Variants in ANO2 observed in about 807,000 individuals in gnomAD.
ANO2 encodes anoctamin-2.
In ANO2, 101 loss-of-function variants were observed where a neutral mutation model predicts 124.2. The ratio of observed to expected loss-of-function variants is 0.81; its 90% CI spans 0.69 to 0.96. ANO2 has a LOEUF of 0.96. Among genes scored for constraint, ANO2 ranks in the 40% least tolerant of loss-of-function variants. ANO2 has a pLI of 0.00. For missense variants in ANO2, 1,293 were observed against 1,274.5 expected, an observed-to-expected ratio of 1.01 and a Z score of -0.22; for synonymous variants, 486 against 482.5, an observed-to-expected ratio of 1.01 and a Z score of -0.09.
intron 1 of ANO2, among the ~76,000 whole-genome samples, chr12:5,939,652 G>T (rs1460684559): frequency 6.6e-6 from 1 of 152,218 alleles, no homozygotes. Context: ...GATGGTGAAG[G>T]ATACTATATG....
rs903918153 is a variant in ANO2 at position 5,862,011 on chromosome 12, G to A, written c.535-7870C>T. Among the ~76,000 whole-genome samples the A allele has an allele frequency of 3.3e-5, 5 of 152,200 alleles. No individual in the cohort carries two copies. Among genetic ancestry groups the A allele is most frequent in the Non-Finnish European group, 4.4e-5 (3 of 68,032 alleles). ...AACACCATAGTCTACCTGTGTCATC[G>A]TGAAGATCAAAGCCTTAACTTCCTT... On this transcript the variant is annotated intron_variant, in intron 3 of 24. Coordinates refer to ENST00000682330, the MANE Select transcript of ANO2 (RefSeq NM_001364791.2). This position sits in a 1 kb window ranked among gnomAD's most constrained non-coding sequence, Gnocchi z 4.0.
chr12:5,774,647 G>A (rs1389152583), intron 10 of ANO2, among the ~76,000 whole-genome samples: 5 of 152,162 alleles, frequency 3.3e-5, no homozygotes, highest in Non-Finnish European at 7.3e-5. Context: ...TGTTTCCGAA[G>A]GACACCTGAT....
intron 23 of ANO2, among the ~76,000 whole-genome samples, chr12:5,573,664 G>A (rs1942249414): frequency 6.6e-6 from 1 of 152,220 alleles, no homozygotes; most frequent in Non-Finnish European, 1.5e-5. Context: ...TGCCTGCAAT[G>A]TGATTTTAGT....
intron 10 of ANO2, among the ~76,000 whole-genome samples, chr12:5,773,804 C>T (rs1400595982): frequency 2.0e-5 from 3 of 152,172 alleles, no homozygotes; most frequent in African/African-American, 7.2e-5. Context: ...CTTCTAACCC[C>T]TCACACTCCC....
At chr12:5,910,949 T>C (rs1365229383) in intron 3 of ANO2, among the ~76,000 whole-genome samples, 1 of 152,072 alleles carries the variant, frequency 6.6e-6, no homozygotes, top group Non-Finnish European at 1.5e-5. Context: ...TGAGGGTGAG[T>C]TCTTCCTGGA....
chr12:5,832,599 T>C lies in ANO2; in HGVS notation c.638A>G (p.Tyr213Cys), dbSNP rs1954191248. 6.2e-7 allele frequency: 1 copy of C among 1,612,010 alleles called. No homozygotes were observed. The change falls in exon 5 of 25, where the codon TAC becomes TGC. Residue 213 changes from tyrosine (Y) to cysteine (C), a missense_variant. Tyr to Cys is a radical substitution (Grantham distance 194, BLOSUM62 -2). Transcript: ENST00000682330. ...AATGCTGCCTCCTGCTTTGATCTCG[T>C]ACATCTATGAAAGGAAGAGCCACAG... Reference protein sequence around the residue: ...LKIKVPTKKMYEIKAGGSIAK... With the variant: ...LKIKVPTKKMCEIKAGGSIAK...
At chr12:5,885,886 C>A (rs191370729) in intron 3 of ANO2, among the ~76,000 whole-genome samples, 2 of 152,290 alleles carry the variant, frequency 1.3e-5, no homozygotes, top group Admixed American at 6.5e-5. Context: ...CCACTCAAAG[C>A]CAACACAAAC....
intron 24 of ANO2, among the ~76,000 whole-genome samples, chr12:5,565,190 C>T (rs1214514016): frequency 1.3e-5 from 2 of 152,288 alleles, no homozygotes; most frequent in Non-Finnish European, 2.9e-5. Flanking sequence ...TCTTTCATGG[C>T]TGCAGAGATG....
At chr12:5,896,674 G>A (rs1186634298) in intron 3 of ANO2, among the ~76,000 whole-genome samples, 3 of 152,120 alleles carry the variant, frequency 2.0e-5, no homozygotes, top group African/African-American at 7.2e-5. Flanking sequence ...AAATAATTTT[G>A]ATAATTCTCT....
intron 14 of ANO2, among the ~76,000 whole-genome samples, chr12:5,654,013 A>G (rs1947044669): frequency 6.6e-6 from 1 of 152,232 alleles, no homozygotes; most frequent in South Asian, 2.1e-4. Flanking sequence ...TTTTAGGTAG[A>G]TAAGGTTAAC....
At chr12:5,668,020 G>C (rs146757396) in intron 14 of ANO2, among the ~76,000 whole-genome samples, 1 of 152,180 alleles carries the variant, frequency 6.6e-6, no homozygotes, top group Non-Finnish European at 1.5e-5. Context: ...ACATACATGT[G>C]CATGTATCTT....
intron 14 of ANO2, among the ~76,000 whole-genome samples, chr12:5,724,561 A>G (rs1306598618): frequency 2.0e-5 from 3 of 152,180 alleles, no homozygotes; most frequent in Admixed American, 2.0e-4. Context: ...CCCAACAATT[A>G]TGCATAATTT....
At chr12:5,592,771 A>G (rs1185921224) in intron 20 of ANO2, among the ~76,000 whole-genome samples, 7 of 152,208 alleles carry the variant, frequency 4.6e-5, no homozygotes, top group Admixed American at 4.6e-4. Flanking sequence ...CAGTAGAGGC[A>G]AAGTCAGCGA....
chr12:5,604,306 G>C (rs185603718), intron 19 of ANO2, among the ~76,000 whole-genome samples: 1 of 152,134 alleles, frequency 6.6e-6, no homozygotes, highest in East Asian at 1.9e-4. Context: ...AGGAGGAGTT[G>C]TTCTTGCCAT....
chr12:5,796,523 TCACACTCACA>T (rs891918068), intron 10 of ANO2, among the ~76,000 whole-genome samples: 2 of 150,500 alleles, frequency 1.3e-5, no homozygotes, highest in East Asian at 2.0e-4. Context: ...GAACACATTC[TCACACTCACA>T]CACACTAACA....
Position 5,744,785 on chromosome 12 carries a change from A to G in ANO2, c.1191-468T>C, listed in dbSNP as rs899684004. ...ATACTGGTCCCAAGTAGAAACAAACACGAGTGTGTGGCTAGACCTGTGCAT... is the reference window on the plus strand; with the variant it reads ...ATACTGGTCCCAAGTAGAAACAAACGCGAGTGTGTGGCTAGACCTGTGCAT... On this transcript the variant is annotated intron_variant, in intron 11 of 24. Transcript: ENST00000682330. 2.6e-5 allele frequency among the ~76,000 whole-genome samples: 4 copies of G among 152,264 alleles called. No homozygotes were observed. The Middle Eastern group carries it at 0.014, about 518-fold the overall frequency.
intron 3 of ANO2, among the ~76,000 whole-genome samples, chr12:5,876,932 G>A (rs576114455): frequency 6.6e-6 from 1 of 152,256 alleles, no homozygotes; most frequent in Non-Finnish European, 1.5e-5. Context: ...CCTATGTAAC[G>A]AATCTGCAGA....
intron 14 of ANO2, among the ~76,000 whole-genome samples, chr12:5,714,231 C>T (rs888102588): frequency 1.3e-5 from 2 of 152,222 alleles, no homozygotes; most frequent in African/African-American, 2.4e-5. Flanking sequence ...CATTAGACCT[C>T]AATCTCTGCT....
chr12:5,826,040 T>A (rs895957109), intron 7 of ANO2, among the ~76,000 whole-genome samples: 1 of 152,232 alleles, frequency 6.6e-6, no homozygotes, highest in Non-Finnish European at 1.5e-5. Context: ...AACATGTTTG[T>A]GCATGTATAC....
Sources: allele counts gnomAD v4.1 joint callset (sites outside exome capture counted in the v4.1 genomes callset), GRCh38; gene constraint gnomAD v4.1.1; non-coding constraint Gnocchi (gnomAD v3.1); transcripts MANE v1.5; gene names NCBI Gene and HGNC (gene_info 2026-07-23, HGNC 2026-07-21).